The following POLQ variants were observed in gnomAD, a reference collection of about 807,000 sequenced individuals.
The protein encoded by POLQ is epididymis secretory sperm binding protein.
A neutral mutation model predicts 259.2 loss-of-function variants in POLQ; 233 were observed. The ratio of observed to expected loss-of-function variants is 0.90; its 90% CI spans 0.81 to 1.00. The LOEUF (loss-of-function observed/expected upper bound fraction) is 1.00, where lower values mean the gene tolerates loss of function less well. POLQ is among the 50% of genes least tolerant of loss of function. POLQ has a pLI of 0.00. For missense variants in POLQ, 2,871 were observed against 3,051.6 expected (o/e 0.94, Z 1.39); for synonymous variants, 1,025 against 1,048.8 (o/e 0.98, Z 0.44).
chr3:121,448,164 T>C (rs946461326), intron 26 of POLQ, among the ~76,000 whole-genome samples: 1 of 152,194 alleles, frequency 6.6e-6, no homozygotes, highest in Non-Finnish European at 1.5e-5. Context: ...TTTGCCCTTT[T>C]GAAGCTATTT....
chr3:121,464,732 T>A lies in POLQ; in HGVS notation c.6967+2787A>T, dbSNP rs767934776. On this transcript the variant is annotated intron_variant, in intron 24 of 29. Coordinates refer to ENST00000264233, the MANE Select transcript of POLQ (RefSeq NM_199420.4). ...TTCATGAACAAAATTTAAAATATTG[T>A]ATAAATTACCTTTAGGCTATGTCTA... 2.0e-5 allele frequency among the ~76,000 whole-genome samples: 3 copies of A among 152,208 alleles called. No homozygotes were observed. The East Asian group carries it at 5.8e-4, about 29-fold the overall frequency.
chr3:121,480,468 A>C (rs2047961666), intron 19 of POLQ, among the ~76,000 whole-genome samples: 1 of 152,070 alleles, frequency 6.6e-6, no homozygotes, highest in Non-Finnish European at 1.5e-5. Context: ...CACTGTAAAA[A>C]ATGCATTTAA....
chr3:121,472,233 T>C (rs1184950340), intron 21 of POLQ, 69 bp from the exon 22 acceptor site: 1 of 714,974 alleles, frequency 1.4e-6, no homozygotes, highest in Non-Finnish European at 2.3e-6. Flanking sequence ...ATCTCTTTTC[T>C]GTAAATAATA....
At position 121,540,933 on chromosome 3, in the gene POLQ, C is replaced by T. The variant is rs111797303; in HGVS notation, c.474+416G>A. 3.3e-3 allele frequency among the ~76,000 whole-genome samples: 499 copies of T among 151,218 alleles called. 5 individuals carry two copies. Among genetic ancestry groups the T allele is most frequent in the African/African-American group, 0.012 (474 of 41,174 alleles). ...TTGAGACAGAGTCTTACTCTGTTGC[C>T]CAGGCTGGAGTGCAATAGCGTGATC... On this transcript the variant is annotated intron_variant, in intron 3 of 29. Coordinates refer to ENST00000264233, the MANE Select transcript of POLQ (RefSeq NM_199420.4).
chr3:121,437,944 A>G (rs2047557685), intron 27 of POLQ, among the ~76,000 whole-genome samples: 1 of 152,128 alleles, frequency 6.6e-6, no homozygotes, highest in Admixed American at 6.5e-5. Context: ...ACAAAACTAT[A>G]GTGTTAGAAG....
At chr3:121,504,718 C>G (rs1282776297) in intron 12 of POLQ, among the ~76,000 whole-genome samples, 1 of 152,164 alleles carries the variant, frequency 6.6e-6, no homozygotes, top group Non-Finnish European at 1.5e-5. Flanking sequence ...GTCAGATACT[C>G]CCTTTTGGAA....
intron 25 of POLQ, among the ~76,000 whole-genome samples, chr3:121,449,853 T>C (rs996461311): frequency 1.3e-5 from 2 of 152,130 alleles, no homozygotes; most frequent in African/African-American, 4.8e-5. Flanking sequence ...AAGAGTAGGC[T>C]TTGTGACTTT....
rs781355569 is a variant in POLQ, at chr3:121,493,653, T to C, written c.2347A>G (p.Lys783Glu). The C allele has an allele frequency of 8.7e-6, 14 of 1,614,130 alleles. No individual in the cohort carries two copies. The highest frequency in any genetic ancestry group is 1.2e-5 in the Non-Finnish European group (14 of 1,179,980). Residue 783 changes from lysine (K) to glutamate (E), a missense_variant, in exon 15 of 30, where the codon AAG becomes GAG. Coordinates refer to ENST00000264233, the MANE Select transcript of POLQ (RefSeq NM_199420.4). ...CTCTGGATGCCAAACGTAAGACGCT[T>C]CTGAAATTGGGAAAGTAGTAGTTCC... Reference protein sequence around the residue: ...NMELLLSQFQKRLTFGIQREL... With the variant: ...NMELLLSQFQERLTFGIQREL...
At chr3:121,495,402 C>G (rs896842296) in intron 14 of POLQ, among the ~76,000 whole-genome samples, 7 of 152,082 alleles carry the variant, frequency 4.6e-5, no homozygotes, top group Admixed American at 3.3e-4. Context: ...TTGCTGAGCT[C>G]AATAGCTGCA....
chr3:121,450,546 T>G (rs1303595861), intron 25 of POLQ, among the ~76,000 whole-genome samples: 1 of 113,692 alleles, frequency 8.8e-6, no homozygotes, highest in East Asian at 3.0e-4. Flanking sequence ...CGGGCCCCAG[T>G]GTGTGATGTT....
In POLQ at chr3:121,436,269, G is replaced by T; in HGVS notation, c.7396C>A (p.Arg2466Ser). Residue 2466 changes from arginine (R) to serine (S), a missense_variant, in exon 28 of 30, where the codon CGT becomes AGT. Physicochemically the swap from Arg to Ser is moderately radical, Grantham distance 110. Coordinates refer to ENST00000264233, the MANE Select transcript of POLQ (RefSeq NM_199420.4). ...TGGACTATTGTGTTGATAGCTTGAC[G>T]CTCAGCCTAGAAAAAACAATCAACA... is the stretch of plus-strand genomic sequence containing the variant. ...NNPYRKAHAE[R>S]QAINTIVQGS... The T allele has an allele frequency of 1.2e-6, 2 of 1,613,464 alleles. No homozygotes were observed. The highest frequency in any genetic ancestry group is 1.7e-6 in the Non-Finnish European group (2 of 1,179,570).
At chr3:121,457,711 C>A (rs1381203700) in intron 25 of POLQ, among the ~76,000 whole-genome samples, 1 of 152,184 alleles carries the variant, frequency 6.6e-6, no homozygotes. Context: ...GTTAGAATGG[C>A]AATCATTAAA....
At chr3:121,432,457 A>G (rs2047502802) in intron 29 of POLQ, 40 bp from the exon 30 acceptor site, 2 of 1,587,840 alleles carry the variant, frequency 1.3e-6, no homozygotes, top group Non-Finnish European at 1.7e-6. Context: ...CTGCCCAGTC[A>G]AAGAATGTTT....
At chr3:121,442,668 A>C (rs538561112) in intron 26 of POLQ, among the ~76,000 whole-genome samples, 1 of 152,028 alleles carries the variant, frequency 6.6e-6, no homozygotes, top group Non-Finnish European at 1.5e-5. Context: ...GTACCTGTAC[A>C]TTTTCTTTAT....
At chr3:121,434,581 A>C (rs1017853954) in intron 28 of POLQ, among the ~76,000 whole-genome samples, 2 of 152,246 alleles carry the variant, frequency 1.3e-5, no homozygotes, top group African/African-American at 2.4e-5. Context: ...TCCCACACTG[A>C]AAATGAATGA....
chr3:121,466,694 A>G (rs2047839968), intron 24 of POLQ, among the ~76,000 whole-genome samples: 1 of 151,750 alleles, frequency 6.6e-6, no homozygotes, highest in Non-Finnish European at 1.5e-5. Context: ...CCATCTCGAA[A>G]AAAAAAAAAA....
chr3:121,441,041 T>C (rs1301610353), intron 26 of POLQ, among the ~76,000 whole-genome samples: 7 of 152,222 alleles, frequency 4.6e-5, no homozygotes, highest in Non-Finnish European at 5.9e-5. Context: ...ATCTCCAGGA[T>C]GAATCCTTTG....
chr3:121,539,478 C>T lies in POLQ; in HGVS notation c.586G>A (p.Gly196Ser), dbSNP rs1298199148. ...TCCTCTATGAGGCGATTGATCAGAC[C>T]ATTGGCTCTCTCAATTGTGCAGACT... is the stretch of plus-strand genomic sequence containing the variant. Reference protein sequence around the residue: ...IAVCTIERANGLINRLIEENK... With the variant: ...IAVCTIERANSLINRLIEENK... The change falls in exon 4 of 30, where the codon GGT (glycine) becomes AGT (serine). Residue 196 changes from glycine (G) to serine (S), a missense_variant. Physicochemically the swap from Gly to Ser is moderately conservative, Grantham distance 56. Around this residue, in one of 3 missense-constraint regions of POLQ, gnomAD observed 783 missense variants for 906.2 expected, o/e 0.86. Transcript: ENST00000264233. 4 of 1,613,318 alleles carry T rather than the reference C, an allele frequency of 2.5e-6. No individual in the cohort carries two copies. In the African/African-American group the frequency reaches 5.3e-5, roughly 22 times the overall value.
intron 7 of POLQ, among the ~76,000 whole-genome samples, chr3:121,528,248 T>C (rs537221090): frequency 6.6e-6 from 1 of 152,074 alleles, no homozygotes; most frequent in African/African-American, 2.4e-5. Context: ...TATCCTCCCA[T>C]GTAGGTAGGA....
Sources: allele counts gnomAD v4.1 joint callset (sites outside exome capture counted in the v4.1 genomes callset), GRCh38; gene constraint gnomAD v4.1.1; regional missense constraint gnomAD v4.1.1; transcripts MANE v1.5; gene names NCBI Gene and HGNC (gene_info 2026-07-23, HGNC 2026-07-21).